Variants in RAB20 observed in about 807,000 individuals in gnomAD.
The protein encoded by RAB20 is RAB20, member RAS oncogene family.
A neutral mutation model predicts 3.7 loss-of-function variants in RAB20; 2 were observed. The observed-to-expected ratio is 0.54, with a 90% CI of 0.22 to 1.69. RAB20 has a LOEUF of 1.69. Ranked by LOEUF, RAB20 falls within the 40% of genes most tolerant of loss-of-function variation. The probability of loss-of-function intolerance (pLI) is 0.19; values close to 1 mark genes in which losing one functional copy is unlikely to be tolerated. For missense variants in RAB20, 276 were observed against 311.9 expected, an observed-to-expected ratio of 0.88 and a Z score of 0.87; for synonymous variants, 126 against 130.8, an observed-to-expected ratio of 0.96 and a Z score of 0.25.
At chr13:110,546,450 G>T (rs897174089) in intron 1 of RAB20, among the ~76,000 whole-genome samples, 2 of 152,336 alleles carry the variant, frequency 1.3e-5, no homozygotes, top group Middle Eastern at 3.4e-3. Flanking sequence ...GTCATTTCAA[G>T]TTATGCCATG....
At chr13:110,550,214 TGGACCCCAACTCTGTG>T (rs1479734051) in intron 1 of RAB20, among the ~76,000 whole-genome samples, 2 of 152,084 alleles carry the variant, frequency 1.3e-5, no homozygotes, top group East Asian at 3.9e-4. Context: ...CCCAACTCCA[TGGACCCCAACTCTGTG>T]GCACCCCAAT....
chr13:110,546,188 A>C lies in RAB20; in HGVS notation c.172+15160T>G, dbSNP rs1395735830. Among the ~76,000 whole-genome samples, 9 of 152,292 alleles carry C rather than the reference A, an allele frequency of 5.9e-5. No homozygotes were observed. The East Asian group carries it at 1.7e-3, about 29-fold the overall frequency. On this transcript the variant is annotated intron_variant, in intron 1 of 1. Coordinates refer to ENST00000267328, the MANE Select transcript of RAB20 (RefSeq NM_017817.3). Reference sequence around the variant, plus strand: ...AGGAGAAAGAAGATGACATTGCATTACTGAGAGTCGAGAACCATGCTGGGC... The same window carrying C: ...AGGAGAAAGAAGATGACATTGCATTCCTGAGAGTCGAGAACCATGCTGGGC...
At chr13:110,557,803 C>CG (rs1555336705) in intron 1 of RAB20, among the ~76,000 whole-genome samples, 6 of 152,240 alleles carry the variant, frequency 3.9e-5, no homozygotes, top group Admixed American at 3.9e-4. Flanking sequence ...CTGCTCCCCC[C>CG]GCCTCCCGGC....
intron 1 of RAB20, among the ~76,000 whole-genome samples, chr13:110,531,747 C>T (rs1884544382): frequency 6.6e-6 from 1 of 152,194 alleles, no homozygotes; most frequent in Non-Finnish European, 1.5e-5. Flanking sequence ...TTACACACCA[C>T]CTCCTGGGGC....
chr13:110,528,608 G>A (rs1884474933), intron 1 of RAB20, among the ~76,000 whole-genome samples: 1 of 152,162 alleles, frequency 6.6e-6, no homozygotes, highest in Non-Finnish European at 1.5e-5. Context: ...GGAATGCGGA[G>A]TCAGGGGCAC....
Position 110,561,661 on chromosome 13 carries a change from A to T in RAB20, c.-142T>A. 7.4e-7 allele frequency: 1 copy of T among 1,359,804 alleles called. No individual in the cohort carries two copies. The highest frequency in any genetic ancestry group is 9.6e-7 in the Non-Finnish European group (1 of 1,045,898). 84.2% of individuals were successfully genotyped at this position (1,359,804 alleles called of 1,614,324 possible). A position where few individuals can be genotyped will look rare whatever the true frequency, so the allele number is the denominator to read the frequency against. The stretch of plus-strand genomic sequence containing the variant: ...AACGCTCCGGGACCTTCGCCTCCGG[A>T]CGCCCGGGAGCTCAAGAGAGGAAGC... On this transcript the variant is annotated 5_prime_UTR_variant, in exon 1 of 2. Transcript: ENST00000267328.
intron 1 of RAB20, among the ~76,000 whole-genome samples, chr13:110,542,070 GTTTT>G (rs1161188440): frequency 1.3e-5 from 2 of 152,070 alleles, no homozygotes; most frequent in Non-Finnish European, 2.9e-5. Context: ...GTTTTGTTTT[GTTTT>G]AATTTTATTA....
At chr13:110,551,918 C>T (rs1489977989) in intron 1 of RAB20, among the ~76,000 whole-genome samples, 1 of 100,976 alleles carries the variant, frequency 9.9e-6, no homozygotes, top group South Asian at 3.7e-4. Flanking sequence ...CCTGTCTCTA[C>T]AAAAAAAAAA....
intron 1 of RAB20, among the ~76,000 whole-genome samples, chr13:110,557,006 A>C (rs2139591768): frequency 6.6e-6 from 1 of 152,334 alleles, no homozygotes; most frequent in South Asian, 2.1e-4. Flanking sequence ...ATTGGCCTAA[A>C]CAGATGGTTG....
At chr13:110,553,239 C>A (rs936652080) in intron 1 of RAB20, among the ~76,000 whole-genome samples, 1 of 152,196 alleles carries the variant, frequency 6.6e-6, no homozygotes, top group African/African-American at 2.4e-5. Context: ...GCATTTCTTC[C>A]AAGATCTTTT....
rs1885022483 is a variant in RAB20, at chr13:110,555,438, A to T, written c.172+5910T>A. The stretch of plus-strand genomic sequence containing the variant: ...CAGATTCCAGGGCCATTGCACCCTG[A>T]TCCCTTCTCAGGTGGCTCAGCCATC... On this transcript the variant is annotated intron_variant, in intron 1 of 1. Coordinates refer to ENST00000267328, the MANE Select transcript of RAB20 (RefSeq NM_017817.3). This position sits in a 1 kb window ranked among gnomAD's most constrained non-coding sequence, Gnocchi z 4.0. Among the ~76,000 whole-genome samples, 1 of 152,054 alleles carries T rather than the reference A, an allele frequency of 6.6e-6. No individual in the cohort carries two copies. The highest frequency in any genetic ancestry group is 6.6e-5 in the Admixed American group (1 of 15,266).
intron 1 of RAB20, among the ~76,000 whole-genome samples, chr13:110,546,762 G>A (rs1007564000): frequency 2.7e-5 from 4 of 150,174 alleles, no homozygotes; most frequent in Non-Finnish European, 4.4e-5. Context: ...TTTTGAGACA[G>A]GGTCTCACTC....
chr13:110,524,237 A>G, intron 1 of RAB20, 40 bp from the exon 2 acceptor site: 1 of 1,530,430 alleles, frequency 6.5e-7, no homozygotes, highest in Non-Finnish European at 8.7e-7. Context: ...GTTATCTCTC[A>G]TCTCAGAACA....
chr13:110,535,002 T>G lies in RAB20; in HGVS notation c.173-10805A>C, dbSNP rs151249275. ...GTGTGTACCACCACGCCTGGCTAATTTTTTAATTTTTAGTAGAGATGAGGT... is the reference window on the plus strand; with the variant it reads ...GTGTGTACCACCACGCCTGGCTAATGTTTTAATTTTTAGTAGAGATGAGGT... On this transcript the variant is annotated intron_variant, in intron 1 of 1. Coordinates refer to ENST00000267328, the MANE Select transcript of RAB20 (RefSeq NM_017817.3). Among the ~76,000 whole-genome samples the G allele has an allele frequency of 1.1e-3, 135 of 124,460 alleles. 1 individual carries two copies. The East Asian group carries it at 0.032, about 30-fold the overall frequency. The allele number at this position is 124,460 out of a possible 152,430, so 81.7% of individuals were successfully genotyped here.
chr13:110,531,484 C>T (rs979952454), intron 1 of RAB20, among the ~76,000 whole-genome samples: 3 of 152,252 alleles, frequency 2.0e-5, no homozygotes, highest in South Asian at 2.1e-4. Flanking sequence ...AAATCCCCAC[C>T]GTGTGACCTT....
intron 1 of RAB20, among the ~76,000 whole-genome samples, chr13:110,558,634 A>T (rs1481011056): frequency 7.2e-6 from 1 of 137,976 alleles, no homozygotes; most frequent in African/African-American, 2.8e-5. Flanking sequence ...TGCCCGCCTC[A>T]CCCTCCTAAA....
At chr13:110,548,218 T>C (rs1434644282) in intron 1 of RAB20, among the ~76,000 whole-genome samples, 1 of 150,402 alleles carries the variant, frequency 6.6e-6, no homozygotes, top group Non-Finnish European at 1.5e-5. Context: ...GCACGGTGGC[T>C]CACACCTGTC....
Position 110,558,129 on chromosome 13 carries a change from C to T in RAB20, c.172+3219G>A, listed in dbSNP as rs375484667. 2.2e-3 allele frequency among the ~76,000 whole-genome samples: 341 copies of T among 152,350 alleles called. 2 individuals carry two copies. Among genetic ancestry groups the T allele is most frequent in the African/African-American group, 7.0e-3 (291 of 41,586 alleles). On this transcript the variant is annotated intron_variant, in intron 1 of 1. Coordinates refer to ENST00000267328, the MANE Select transcript of RAB20 (RefSeq NM_017817.3). Reference sequence around the variant, plus strand: ...CAACAACAGGCAACACCACTTTAGGCTGTCCTGAGCAACCGGGCAACACAG... The same window carrying T: ...CAACAACAGGCAACACCACTTTAGGTTGTCCTGAGCAACCGGGCAACACAG...
At chr13:110,557,161 T>C (rs544822140) in intron 1 of RAB20, among the ~76,000 whole-genome samples, 1 of 152,238 alleles carries the variant, frequency 6.6e-6, no homozygotes, top group Admixed American at 6.5e-5. Context: ...GAATGAGGAC[T>C]GTGTTATCAG....
Sources: gnomAD v4.1 joint callset for allele counts (sites outside exome capture counted in the v4.1 genomes callset) on GRCh38, gnomAD v4.1.1 for gene constraint, Gnocchi (gnomAD v3.1) non-coding constraint, MANE v1.5 for transcripts, NCBI Gene and HGNC (gene_info 2026-07-23, HGNC 2026-07-21) for gene names.